Variants in ROR2 observed in about 807,000 individuals in gnomAD.
The protein encoded by ROR2 is ROR family WNT receptor 2.
ROR2 carries 33 observed loss-of-function variants against 74.9 expected under a neutral mutation model. The ratio of observed to expected loss-of-function variants is 0.44; its 90% CI spans 0.33 to 0.59. ROR2 has a LOEUF of 0.59. ROR2 is among the 20% of genes least tolerant of loss of function. The pLI, the probability that ROR2 is intolerant of heterozygous loss-of-function variation, is 0.02. For synonymous variants in ROR2, 586 were observed against 558.7 expected, an observed-to-expected ratio of 1.05 and a Z score of -0.69; for missense variants, 1,216 against 1,313.8, an observed-to-expected ratio of 0.93 and a Z score of 1.15.
chr9:91,852,940 G>A (rs547525394), intron 1 of ROR2, among the ~76,000 whole-genome samples: 5 of 152,182 alleles, frequency 3.3e-5, no homozygotes, highest in African/African-American at 4.8e-5. Context: ...TCCTGCGTTC[G>A]CCACCTTCCT....
intron 1 of ROR2, among the ~76,000 whole-genome samples, chr9:91,803,439 G>T (rs1008109412): frequency 6.6e-6 from 1 of 152,222 alleles, no homozygotes; most frequent in African/African-American, 2.4e-5. Context: ...TGCTATGCAG[G>T]ATGAAAACAG....
chr9:91,812,570 CCACACACACGTGTGTGTGGCCTGT>C (rs1827796806), intron 1 of ROR2, among the ~76,000 whole-genome samples: 1 of 147,686 alleles, frequency 6.8e-6, no homozygotes, highest in Non-Finnish European at 1.5e-5. Context: ...CCCACCCCCC[CCACACACACGTGTGTGTGGCCTGT>C]CGCACACACT....
At position 91,747,482 on chromosome 9, in the gene ROR2, C is replaced by T. The variant is rs1454286228; in HGVS notation, c.494+8589G>A. On this transcript the variant is annotated intron_variant, in intron 4 of 8. Transcript: ENST00000375708. ...TCCATGGTACCATGTCTTGCTGTCA[C>T]GCTGCACACAGGGCTAAGCCAAGGC... Among the ~76,000 whole-genome samples the T allele has an allele frequency of 3.3e-5, 5 of 152,216 alleles. No individual in the cohort carries two copies. In the South Asian group the frequency reaches 1.0e-3, roughly 32 times the overall value.
At chr9:91,775,617 C>A in intron 2 of ROR2, 124 bp downstream of exon 2, 1 of 861,242 alleles carries the variant, frequency 1.2e-6, no homozygotes, top group Non-Finnish European at 1.9e-6. Context: ...ACCATACCCA[C>A]CACCAGGGGG....
intron 1 of ROR2, among the ~76,000 whole-genome samples, chr9:91,841,660 A>T (rs1828785906): frequency 6.6e-6 from 1 of 152,208 alleles, no homozygotes; most frequent in Admixed American, 6.5e-5. Flanking sequence ...GCTCCTGAGC[A>T]GCCTCCCTCG....
At chr9:91,771,826 C>T (rs572439519) in intron 2 of ROR2, among the ~76,000 whole-genome samples, 11 of 152,266 alleles carry the variant, frequency 7.2e-5, no homozygotes, top group African/African-American at 1.9e-4. Context: ...TTCTTAGATT[C>T]GCTTTTGCTT....
At chr9:91,899,375 C>A (rs1355620901) in intron 1 of ROR2, among the ~76,000 whole-genome samples, 1 of 152,154 alleles carries the variant, frequency 6.6e-6, no homozygotes, top group Non-Finnish European at 1.5e-5. Context: ...ATGTGTGGGG[C>A]CCCAGGTCAA....
At chr9:91,805,870 C>T (rs1465414267) in intron 1 of ROR2, among the ~76,000 whole-genome samples, 1 of 152,200 alleles carries the variant, frequency 6.6e-6, no homozygotes, top group Non-Finnish European at 1.5e-5. Context: ...ACAGACTATG[C>T]CCAGATGACA....
rs1482585013 is a variant in ROR2 at position 91,756,138 on chromosome 9, T to C, written c.464-37A>G. On this transcript the variant is annotated intron_variant, in intron 3 of 8. Transcript: ENST00000375708. ...AAACAAAAAGACAAGTTATTAATAC[T>C]CCATGATTTGGAATACAACCTTCTT... 4 of 1,606,670 alleles carry C rather than the reference T, an allele frequency of 2.5e-6. No individual in the cohort carries two copies. The South Asian group carries it at 4.4e-5, about 18-fold the overall frequency.
intron 2 of ROR2, among the ~76,000 whole-genome samples, chr9:91,760,811 G>A (rs1467134425): frequency 6.6e-6 from 1 of 151,772 alleles, no homozygotes; most frequent in Non-Finnish European, 1.5e-5. Context: ...GAGAAAGCAT[G>A]GTCTATGTAT....
At chr9:91,892,052 G>GAAAAAA (rs74312809) in intron 1 of ROR2, among the ~76,000 whole-genome samples, 3 of 71,024 alleles carry the variant, frequency 4.2e-5, no homozygotes, top group Admixed American at 1.6e-4. Context: ...TGTCTAAGAA[G>GAAAAAA]AAAAAAAAAA....
chr9:91,811,320 T>A (rs1351909193), intron 1 of ROR2, among the ~76,000 whole-genome samples: 2 of 152,186 alleles, frequency 1.3e-5, no homozygotes, highest in African/African-American at 4.8e-5. Flanking sequence ...CATGGGGACA[T>A]CCTTTTGTGT....
At chr9:91,827,404 C>G (rs977485608) in intron 1 of ROR2, among the ~76,000 whole-genome samples, 1 of 151,940 alleles carries the variant, frequency 6.6e-6, no homozygotes, top group East Asian at 1.9e-4. Flanking sequence ...AGAGTAAAAC[C>G]CCAACTCGTA....
chr9:91,923,924 G>A (rs765437203), intron 1 of ROR2: 4 of 152,232 alleles, frequency 2.6e-5, no homozygotes, highest in Non-Finnish European at 5.9e-5. Context: ...TGTCCTGTGT[G>A]GCTCCTGGAA....
intron 1 of ROR2, among the ~76,000 whole-genome samples, chr9:91,835,186 T>G (rs143504126): frequency 1.2e-3 from 177 of 152,000 alleles, no homozygotes; most frequent in African/African-American, 4.2e-3. Context: ...CCCCCTCACC[T>G]CCAAGGGTCC....
intron 1 of ROR2, among the ~76,000 whole-genome samples, chr9:91,932,586 C>T (rs891968141): frequency 6.6e-6 from 1 of 151,680 alleles, no homozygotes; most frequent in African/African-American, 2.4e-5. Context: ...ATCACTTGAA[C>T]CAGGGAGGCG....
intron 1 of ROR2, among the ~76,000 whole-genome samples, chr9:91,897,687 G>C (rs1830570425): frequency 6.6e-6 from 1 of 152,092 alleles, no homozygotes; most frequent in African/African-American, 2.4e-5. Flanking sequence ...CAGGCCCAGG[G>C]GCATCTCACA....
At chr9:91,914,051 G>A (rs1831060888) in intron 1 of ROR2, among the ~76,000 whole-genome samples, 1 of 151,722 alleles carries the variant, frequency 6.6e-6, no homozygotes, top group South Asian at 2.1e-4. Context: ...AGAAACTCTT[G>A]CCAACCAAAA....
At chr9:91,914,946 T>G (rs533787576) in intron 1 of ROR2, among the ~76,000 whole-genome samples, 1 of 147,390 alleles carries the variant, frequency 6.8e-6, no homozygotes, top group Non-Finnish European at 1.5e-5. Context: ...ATCTTTCATA[T>G]GGGTAGGTGG....
Sources: gnomAD v4.1 joint callset for allele counts (sites outside exome capture counted in the v4.1 genomes callset) on GRCh38, gnomAD v4.1.1 for gene constraint, MANE v1.5 for transcripts, NCBI Gene and HGNC (gene_info 2026-07-23, HGNC 2026-07-21) for gene names.